Variants in FHIT observed in about 807,000 individuals in gnomAD.
The protein encoded by FHIT is fragile histidine triad diadenosine triphosphatase.
A neutral mutation model predicts 17.9 loss-of-function variants in FHIT; 19 were observed. The observed-to-expected ratio is 1.06, with a 90% confidence interval of 0.74 to 1.56. FHIT has a LOEUF of 1.56. Among genes scored for constraint, FHIT ranks in the 40% most tolerant of loss-of-function variants. The pLI is 0.00. For missense variants in FHIT, 248 were observed against 189.2 expected, an observed-to-expected ratio of 1.31 and a Z score of -1.82; for synonymous variants, 81 against 69.7, an observed-to-expected ratio of 1.16 and a Z score of -0.81.
intron 5 of FHIT, among the ~76,000 whole-genome samples, chr3:60,070,041 GC>G (rs890538091): frequency 6.6e-6 from 1 of 152,116 alleles, no homozygotes; most frequent in African/African-American, 2.4e-5. Flanking sequence ...CCCCCTACAT[GC>G]TTTTATTGCT....
chr3:60,357,719 T>C (rs1699734837), intron 5 of FHIT, among the ~76,000 whole-genome samples: 1 of 152,220 alleles, frequency 6.6e-6, no homozygotes, highest in Non-Finnish European at 1.5e-5. Context: ...TAGTATATAC[T>C]TTCATATTGA....
intron 7 of FHIT, among the ~76,000 whole-genome samples, chr3:59,998,299 T>A (rs561574836): frequency 6.6e-6 from 1 of 152,094 alleles, no homozygotes; most frequent in Non-Finnish European, 1.5e-5. Flanking sequence ...CTGCTGCGGG[T>A]TAGAAATTTA....
chr3:61,163,733 C>G (rs1371023138), intron 2 of FHIT, among the ~76,000 whole-genome samples: 3 of 150,780 alleles, frequency 2.0e-5, no homozygotes, highest in African/African-American at 2.5e-5. Flanking sequence ...GATCACACCC[C>G]CTATGTCCAA....
intron 5 of FHIT, among the ~76,000 whole-genome samples, chr3:60,175,956 C>A (rs919802537): frequency 1.3e-5 from 2 of 152,174 alleles, no homozygotes; most frequent in African/African-American, 4.8e-5. Context: ...AATATGGTGG[C>A]CACTAACCAC....
At chr3:60,611,160 T>C (rs1403173885) in intron 4 of FHIT, among the ~76,000 whole-genome samples, 1 of 152,194 alleles carries the variant, frequency 6.6e-6, no homozygotes, top group African/African-American at 2.4e-5. Context: ...ATTCATTTAT[T>C]TAACAAATGT....
In FHIT at chr3:60,249,631, G is replaced by A. The variant is rs1490441211; in HGVS notation, c.104-235479C>T. Among the ~76,000 whole-genome samples, 3 of 150,242 alleles carry A rather than the reference G, an allele frequency of 2.0e-5. No homozygotes were observed. In the East Asian group the frequency reaches 5.9e-4, roughly 29 times the overall value. ...AGGCCCAGTGCCAGGAGTGACATTA[G>A]AACCATGATCTGAGAGTCTCCTGGA... On this transcript the variant is annotated intron_variant, in intron 5 of 9. Transcript: ENST00000492590.
chr3:59,796,414 G>A (rs911016016), intron 8 of FHIT, among the ~76,000 whole-genome samples: 1 of 152,048 alleles, frequency 6.6e-6, no homozygotes, highest in Non-Finnish European at 1.5e-5. Flanking sequence ...CTGTTTCCAG[G>A]TTTTTCATGT....
intron 3 of FHIT, among the ~76,000 whole-genome samples, chr3:60,925,606 A>G (rs535215559): frequency 3.9e-5 from 6 of 152,356 alleles, no homozygotes; most frequent in African/African-American, 1.4e-4. Flanking sequence ...CTGCAGAAAT[A>G]TACCAAATTG....
At chr3:60,792,482 T>C (rs1356922409) in intron 4 of FHIT, among the ~76,000 whole-genome samples, 2 of 152,190 alleles carry the variant, frequency 1.3e-5, no homozygotes, top group Admixed American at 6.5e-5. Flanking sequence ...TGATAATAAA[T>C]ACTTTGAATA....
At chr3:60,489,069 CT>C (rs1443417887) in intron 5 of FHIT, among the ~76,000 whole-genome samples, 1 of 152,018 alleles carries the variant, frequency 6.6e-6, no homozygotes, top group Non-Finnish European at 1.5e-5. Context: ...ATGAGCAGTG[CT>C]AAAAAGTAGA....
At chr3:60,976,619 GT>G (rs1710265421) in intron 3 of FHIT, among the ~76,000 whole-genome samples, 1 of 152,148 alleles carries the variant, frequency 6.6e-6, no homozygotes, top group Non-Finnish European at 1.5e-5. Context: ...TTTCATCACT[GT>G]TTCTGTGAAG....
chr3:59,889,897 C>G (rs1307987770), intron 8 of FHIT, among the ~76,000 whole-genome samples: 1 of 152,086 alleles, frequency 6.6e-6, no homozygotes, highest in Non-Finnish European at 1.5e-5. Context: ...TTTTCTTTTG[C>G]GAATGATATT....
chr3:60,112,173 A>G (rs528496574), intron 5 of FHIT, among the ~76,000 whole-genome samples: 1 of 152,278 alleles, frequency 6.6e-6, no homozygotes, highest in South Asian at 2.1e-4. Flanking sequence ...GAGATTTAAT[A>G]CAGCAAAGTT....
At chr3:61,189,518 T>C (rs913103569) in intron 2 of FHIT, among the ~76,000 whole-genome samples, 1 of 152,180 alleles carries the variant, frequency 6.6e-6, no homozygotes, top group Non-Finnish European at 1.5e-5. Context: ...CCAAGGTAAT[T>C]TGTAGATTCA....
chr3:60,638,277 G>A (rs1412397189), intron 4 of FHIT, among the ~76,000 whole-genome samples: 2 of 152,128 alleles, frequency 1.3e-5, no homozygotes, highest in Admixed American at 1.3e-4. Context: ...ATAAAAGCAG[G>A]AGGAATGACA....
At chr3:60,887,863 G>A (rs1705304902) in intron 3 of FHIT, among the ~76,000 whole-genome samples, 1 of 152,020 alleles carries the variant, frequency 6.6e-6, no homozygotes, top group African/African-American at 2.4e-5. Flanking sequence ...TCTTTTCTAT[G>A]AAAACATAAA....
chr3:60,891,235 A>G (rs1365853403), intron 3 of FHIT, among the ~76,000 whole-genome samples: 1 of 152,094 alleles, frequency 6.6e-6, no homozygotes, highest in African/African-American at 2.4e-5. Flanking sequence ...CCGTGCACCC[A>G]TCTTCTTTTA....
chr3:60,453,809 G>C (rs1020252407), intron 5 of FHIT, among the ~76,000 whole-genome samples: 1 of 152,114 alleles, frequency 6.6e-6, no homozygotes, highest in Non-Finnish European at 1.5e-5. Flanking sequence ...ATTACTTTTT[G>C]TATTATCATA....
At chr3:60,497,196 G>A (rs769897411) in intron 5 of FHIT, among the ~76,000 whole-genome samples, 2 of 151,994 alleles carry the variant, frequency 1.3e-5, no homozygotes, top group Non-Finnish European at 2.9e-5. Flanking sequence ...GCCCCCACAA[G>A]AAAGTAGTTA....
Sources: gnomAD v4.1 joint callset for allele counts (sites outside exome capture counted in the v4.1 genomes callset) on GRCh38, gnomAD v4.1.1 for gene constraint, MANE v1.5 for transcripts, NCBI Gene and HGNC (gene_info 2026-07-23, HGNC 2026-07-21) for gene names.